Variants in NAALADL2 observed in about 807,000 individuals in gnomAD.
The protein encoded by NAALADL2 is inactive N-acetylated-alpha-linked acidic dipeptidase-like protein 2.
NAALADL2 carries 76 observed loss-of-function variants against 87.2 expected under a neutral mutation model. That is an observed-to-expected ratio of 0.87 (90% confidence interval 0.72 to 1.05). The LOEUF (loss-of-function observed/expected upper bound fraction) is 1.05. Ranked by LOEUF, NAALADL2 falls within the 50% of genes least tolerant of loss-of-function variation. The pLI is 0.00. For synonymous variants in NAALADL2, 354 were observed against 331.0 expected, an observed-to-expected ratio of 1.07 and a Z score of -0.75; for missense variants, 1,089 against 945.8, an observed-to-expected ratio of 1.15 and a Z score of -1.99.
chr3:175,125,202 TG>T (rs1726765166), intron 2 of NAALADL2, among the ~76,000 whole-genome samples: 1 of 152,070 alleles, frequency 6.6e-6, no homozygotes, highest in Admixed American at 6.6e-5. Flanking sequence ...ATTAAATGGA[TG>T]GTTTAATTTC....
intron 1 of NAALADL2, among the ~76,000 whole-genome samples, chr3:175,028,110 G>T (rs1011889058): frequency 6.6e-6 from 1 of 151,766 alleles, no homozygotes; most frequent in African/African-American, 2.4e-5. Context: ...GGAGTAAAAG[G>T]TTTCCTACGC....
chr3:174,921,869 C>G (rs1735275605), intron 1 of NAALADL2, among the ~76,000 whole-genome samples: 1 of 148,248 alleles, frequency 6.7e-6, no homozygotes, highest in Non-Finnish European at 1.5e-5. Flanking sequence ...TTTAAAGGTG[C>G]AAAATCCATT....
At chr3:175,635,617 C>G (rs957664618) in intron 11 of NAALADL2, among the ~76,000 whole-genome samples, 1 of 152,090 alleles carries the variant, frequency 6.6e-6, no homozygotes, top group Admixed American at 6.5e-5. Context: ...CATAAAGTAA[C>G]ATTTTTGGTG....
chr3:175,248,078 T>A (rs1748324333), intron 3 of NAALADL2, among the ~76,000 whole-genome samples: 1 of 152,226 alleles, frequency 6.6e-6, no homozygotes. Flanking sequence ...CTGCCTTCTC[T>A]AGTATACCTG....
chr3:175,500,343 G>A (rs984259979), intron 9 of NAALADL2, among the ~76,000 whole-genome samples: 1 of 152,022 alleles, frequency 6.6e-6, no homozygotes, highest in African/African-American at 2.4e-5. Flanking sequence ...AGAGATGGTA[G>A]TTTTTATGTG....
At chr3:174,836,859 G>C (rs1723394070) in intron 3 of NAALADL2, among the ~76,000 whole-genome samples, 1 of 151,910 alleles carries the variant, frequency 6.6e-6, no homozygotes, top group Non-Finnish European at 1.5e-5. Context: ...TTTAGCTTGG[G>C]TAAAGTTTAA....
At chr3:174,843,478 G>A (rs1579166811) in intron 3 of NAALADL2, among the ~76,000 whole-genome samples, 2 of 152,064 alleles carry the variant, frequency 1.3e-5, no homozygotes, top group South Asian at 2.1e-4. Flanking sequence ...CTTGGCTATT[G>A]TGAATAGAGC....
intron 1 of NAALADL2, among the ~76,000 whole-genome samples, chr3:175,022,199 A>C (rs772993296): frequency 3.9e-5 from 6 of 152,068 alleles, no homozygotes; most frequent in Non-Finnish European, 8.8e-5. Context: ...TGGTGACCCA[A>C]ATAAACCTCT....
chr3:174,608,547 A>T (rs1213326659), intron 2 of NAALADL2, among the ~76,000 whole-genome samples: 2 of 151,934 alleles, frequency 1.3e-5, no homozygotes, highest in African/African-American at 4.8e-5. Context: ...CTACGCAAAT[A>T]AACTAGAAAA....
intron 13 of NAALADL2, among the ~76,000 whole-genome samples, chr3:175,791,994 T>C (rs530242330): frequency 7.2e-5 from 11 of 151,792 alleles, no homozygotes; most frequent in African/African-American, 2.4e-4. Context: ...ACATAATCAC[T>C]AAAAATGCCT....
intron 2 of NAALADL2, among the ~76,000 whole-genome samples, chr3:175,139,131 A>G (rs997894745): frequency 2.6e-5 from 4 of 151,670 alleles, no homozygotes; most frequent in African/African-American, 9.7e-5. Context: ...AAAAATCTCC[A>G]GGTGGAAATT....
At position 175,488,179 on chromosome 3, in the gene NAALADL2, ATAAT is replaced by A. The variant is rs1210427960; in HGVS notation, c.1653+16424_1653+16427del. On this transcript the variant is annotated intron_variant, in intron 9 of 13. Transcript: ENST00000454872. Reference sequence around the variant, plus strand: ...AAAGATGTTTCTTTGAATGTTTGACATAATTAGTAATTTCTCTTGTTATTCTTTC... The same window carrying A: ...AAAGATGTTTCTTTGAATGTTTGACATAGTAATTTCTCTTGTTATTCTTTC... Among the ~76,000 whole-genome samples, 30 of 152,360 alleles carry A rather than the reference ATAAT, an allele frequency of 2.0e-4. 1 individual carries two copies. The highest frequency in any genetic ancestry group is 6.5e-4 in the African/African-American group (27 of 41,580).
At chr3:175,618,330 C>A (rs1291293190) in intron 10 of NAALADL2, among the ~76,000 whole-genome samples, 1 of 152,050 alleles carries the variant, frequency 6.6e-6, no homozygotes, top group Non-Finnish European at 1.5e-5. Context: ...ACGAGGATTT[C>A]TAGGATCAGA....
At chr3:174,904,471 A>G (rs561693935) in intron 1 of NAALADL2, among the ~76,000 whole-genome samples, 1 of 152,024 alleles carries the variant, frequency 6.6e-6, no homozygotes, top group South Asian at 2.1e-4. Flanking sequence ...AAATCAACAC[A>G]TTTCCTGTGT....
At chr3:175,591,307 T>C (rs981716854) in intron 10 of NAALADL2, among the ~76,000 whole-genome samples, 4 of 152,220 alleles carry the variant, frequency 2.6e-5, no homozygotes, top group African/African-American at 4.8e-5. Context: ...AAGATTTAAC[T>C]CTGATGCTAA....
intron 1 of NAALADL2, among the ~76,000 whole-genome samples, chr3:174,994,904 G>A (rs958856857): frequency 6.6e-6 from 1 of 151,920 alleles, no homozygotes; most frequent in African/African-American, 2.4e-5. Flanking sequence ...GAGTTTCTTT[G>A]TAACAGTCAT....
In NAALADL2 at chr3:174,787,116, G is replaced by A. The variant is rs1399800; in HGVS notation, c.-9+49370G>A. On this transcript the variant is annotated intron_variant, in intron 3 of 3. Coordinates refer to the NAALADL2 transcript ENST00000434257. ...ACAATATATTGCTTTACAGACATAT[G>A]AAGTGAAATGACCCATTTTATGAAT... Among the ~76,000 whole-genome samples, 1,060 of 151,942 alleles carry A rather than the reference G, an allele frequency of 7.0e-3. 14 individuals are homozygous for A. The highest frequency in any genetic ancestry group is 0.024 in the African/African-American group (1,012 of 41,454).
intron 11 of NAALADL2, among the ~76,000 whole-genome samples, chr3:175,689,349 T>G (rs1287256231): frequency 6.6e-6 from 1 of 151,992 alleles, no homozygotes; most frequent in Non-Finnish European, 1.5e-5. Flanking sequence ...AAGAGAGAGA[T>G]TTTTAAAATA....
intron 6 of NAALADL2, among the ~76,000 whole-genome samples, chr3:175,450,568 C>T (rs1174622561): frequency 1.3e-5 from 2 of 152,046 alleles, no homozygotes; most frequent in Admixed American, 1.3e-4. Flanking sequence ...CATTTAACAC[C>T]TCTAGTGTTA....
Sources: gnomAD v4.1 joint callset for allele counts (sites outside exome capture counted in the v4.1 genomes callset) on GRCh38, gnomAD v4.1.1 for gene constraint, MANE v1.5 for transcripts, NCBI Gene and HGNC (gene_info 2026-07-23, HGNC 2026-07-21) for gene names.